Variants in KIAA0586 observed in about 807,000 individuals in gnomAD.
KIAA0586 encodes the protein protein TALPID3.
A neutral mutation model predicts 169.8 loss-of-function variants in KIAA0586; 144 were observed. That is an observed-to-expected ratio of 0.85 (90% confidence interval 0.74 to 0.97). The LOEUF (loss-of-function observed/expected upper bound fraction) is 0.97. KIAA0586 is among the 50% of genes least tolerant of loss of function. The pLI, the probability that KIAA0586 is intolerant of heterozygous loss-of-function variation, is 0.00. For missense variants in KIAA0586, 1,854 were observed against 1,823.0 expected, an observed-to-expected ratio of 1.02 and a Z score of -0.31; for synonymous variants, 625 against 612.4, an observed-to-expected ratio of 1.02 and a Z score of -0.30.
chr14:58,434,655 G>A (rs1273597398), intron 4 of KIAA0586, among the ~76,000 whole-genome samples: 1 of 152,166 alleles, frequency 6.6e-6, no homozygotes, highest in East Asian at 1.9e-4. Flanking sequence ...TATGTTAAAA[G>A]ATTAATACAC....
chr14:58,513,635 C>T (rs1229118836), intron 29 of KIAA0586, among the ~76,000 whole-genome samples: 3 of 151,382 alleles, frequency 2.0e-5, no homozygotes, highest in African/African-American at 7.3e-5. Flanking sequence ...TGGAAAATAC[C>T]TATAAAACTC....
chr14:58,529,002 A>G (rs1422296871), intron 29 of KIAA0586, among the ~76,000 whole-genome samples: 1 of 152,172 alleles, frequency 6.6e-6, no homozygotes, highest in African/African-American at 2.4e-5. Context: ...AATAGACATA[A>G]TAAAAAATGA....
intron 27 of KIAA0586, among the ~76,000 whole-genome samples, chr14:58,508,149 C>A (rs34964193): frequency 4.6e-5 from 7 of 152,156 alleles, no homozygotes; most frequent in Non-Finnish European, 8.8e-5. Flanking sequence ...CAGAATAGAG[C>A]TAGGCAATAC....
chr14:58,452,704 A>G (rs2039492495), intron 8 of KIAA0586, among the ~76,000 whole-genome samples: 1 of 151,950 alleles, frequency 6.6e-6, no homozygotes, highest in Non-Finnish European at 1.5e-5. Context: ...TTGTTTATGT[A>G]TTTTTTTGTA....
At chr14:58,452,700 A>G (rs1287829248) in intron 8 of KIAA0586, among the ~76,000 whole-genome samples, 1 of 151,970 alleles carries the variant, frequency 6.6e-6, no homozygotes, top group African/African-American at 2.4e-5. Flanking sequence ...TTACTTGTTT[A>G]TGTATTTTTT....
intron 26 of KIAA0586, 94 bp from the exon 27 acceptor site, chr14:58,498,689 G>A (rs2043337894): frequency 9.4e-7 from 1 of 1,065,086 alleles, no homozygotes. Context: ...CTTCCAAGGA[G>A]TCAAAGGGTA....
At chr14:58,450,877 A>G in intron 8 of KIAA0586, 131 bp downstream of exon 8, 4 of 579,234 alleles carry the variant, frequency 6.9e-6, no homozygotes, top group Non-Finnish European at 9.2e-6. Context: ...GGGAAAATCA[A>G]GCTTCTTTAG....
intron 3 of KIAA0586, 84 bp downstream of exon 3, chr14:58,430,801 G>T: frequency 1.4e-6 from 1 of 720,672 alleles, no homozygotes; most frequent in South Asian, 1.9e-5. Context: ...ACAGTTCTGT[G>T]ACAGTAAGTA....
Position 58,549,471 on chromosome 14 carries a change from A to T in KIAA0586, c.*1539A>T, listed in dbSNP as rs2047150348. 1 of 152,154 alleles carries T rather than the reference A, an allele frequency of 6.6e-6. No individual in the cohort carries two copies. Among genetic ancestry groups the T allele is most frequent in the African/African-American group, 2.4e-5 (1 of 41,424 alleles). The allele number at this position is 152,154 out of a possible 1,614,324, so 9.4% of individuals were successfully genotyped here. Reference sequence around the variant, plus strand: ...CTGGGGATTTTTTTTCTCACTGAACATAGAAGCTGCAAGAGTCTATGGAAA... The same window carrying T: ...CTGGGGATTTTTTTTCTCACTGAACTTAGAAGCTGCAAGAGTCTATGGAAA... On this transcript the variant is annotated 3_prime_UTR_variant, in exon 31 of 31. Coordinates refer to ENST00000652326, the MANE Select transcript of KIAA0586 (RefSeq NM_001329943.3).
At chr14:58,448,520 A>T in intron 7 of KIAA0586, 27 bp downstream of exon 7, 1 of 1,519,272 alleles carries the variant, frequency 6.6e-7, no homozygotes, top group South Asian at 1.2e-5. Context: ...CTCTATGAAT[A>T]AAAAATGTCA....
At chr14:58,482,425 C>T in intron 20 of KIAA0586, 88 bp from the exon 21 acceptor site, 3 of 1,058,784 alleles carry the variant, frequency 2.8e-6, no homozygotes, top group Non-Finnish European at 2.6e-6. Flanking sequence ...CACTACGTCT[C>T]GAGAAAAATA....
chr14:58,452,067 G>A (rs1303452639), intron 8 of KIAA0586, among the ~76,000 whole-genome samples: 1 of 152,148 alleles, frequency 6.6e-6, no homozygotes, highest in Non-Finnish European at 1.5e-5. Context: ...TCATAAATGG[G>A]AGCTAAGCTA....
intron 9 of KIAA0586, among the ~76,000 whole-genome samples, chr14:58,454,303 C>G (rs2039640042): frequency 6.6e-6 from 1 of 152,130 alleles, no homozygotes; most frequent in African/African-American, 2.4e-5. Context: ...AACTTTGCTC[C>G]AGTAAAGCCT....
intron 8 of KIAA0586, among the ~76,000 whole-genome samples, chr14:58,451,323 C>T (rs2039368604): frequency 6.6e-6 from 1 of 152,024 alleles, no homozygotes; most frequent in Non-Finnish European, 1.5e-5. Context: ...CCTCCTCAGG[C>T]TCAGTTGATC....
chr14:58,560,672 C>T, the KIAA0586 span, among the ~76,000 whole-genome samples: 1 of 152,160 alleles, frequency 6.6e-6, no homozygotes, highest in Admixed American at 6.5e-5. Flanking sequence ...GGAAACAAAC[C>T]TCACTTATCT....
chr14:58,444,001 T>G lies in KIAA0586; in HGVS notation c.633T>G (p.Leu211=), dbSNP rs2038638050. Reference sequence around the variant, plus strand: ...AAGTCAATTCTGTTACAGAATTACTTAGTAAATTACAGGAGACTGATAAAC... The same window carrying G: ...AAGTCAATTCTGTTACAGAATTACTGAGTAAATTACAGGAGACTGATAAAC... The part of the protein sequence containing the change: ...EAKVNSVTEL[L]SKLQETDKHL... Residue 211 remains leucine (L), a synonymous_variant, in exon 6 of 31, where the codon CTT becomes CTG. Transcript: ENST00000652326. The G allele has an allele frequency of 6.2e-7, 1 of 1,611,184 alleles. No individual in the cohort carries two copies. Among genetic ancestry groups the G allele is most frequent in the Non-Finnish European group, 8.5e-7 (1 of 1,178,418 alleles).
At position 58,428,308 on chromosome 14, in the gene KIAA0586, A is replaced by C. The variant is rs546316105; in HGVS notation, c.44A>C (p.Lys15Thr). The change falls in exon 1 of 31, where the codon AAG becomes ACG. Residue 15 changes from lysine (K) to threonine (T), a missense_variant. By Grantham distance (78) the Lys-to-Thr change is moderately conservative (BLOSUM62 -1). Coordinates refer to ENST00000652326, the MANE Select transcript of KIAA0586 (RefSeq NM_001329943.3). ...EVSLEKKKKI[K>T]MPVKRLREVV... The stretch of plus-strand genomic sequence containing the variant: ...AGCTTGGAGAAGAAAAAAAAGATTA[A>C]GATGCCAGTGAAGAGACTTCGTGAG... 6.2e-7 allele frequency: 1 copy of C among 1,613,930 alleles called. No homozygotes were observed. Among genetic ancestry groups the C allele is most frequent in the East Asian group, 2.2e-5 (1 of 44,880 alleles).
chr14:58,539,895 A>T, intron 29 of KIAA0586, 176 bp from the exon 30 acceptor site: 1 of 493,808 alleles, frequency 2.0e-6, no homozygotes, highest in East Asian at 3.2e-5. Flanking sequence ...ATTAAAATTC[A>T]GCTGTTTAAC....
In KIAA0586 at chr14:58,465,989, T is replaced by A; in HGVS notation, c.2214T>A (p.Gly738=). Residue 738 remains glycine, a synonymous_variant, in exon 15 of 31, where the codon GGT becomes GGA. Transcript: ENST00000652326. ...GTAGAGAAATGCCTACTTTTTCAGG[T>A]ACATTGGAAGGTCATCTGATTCCTA... ...SPSREMPTFS[G]TLEGHLIPMA... is the part of the protein sequence containing the mutation. 1 of 1,613,274 alleles carries A rather than the reference T, an allele frequency of 6.2e-7. No homozygotes were observed. The highest frequency in any genetic ancestry group is 8.5e-7 in the Non-Finnish European group (1 of 1,179,510).
Sources: gnomAD v4.1 joint callset for allele counts (sites outside exome capture counted in the v4.1 genomes callset) on GRCh38, gnomAD v4.1.1 for gene constraint, MANE v1.5 for transcripts, NCBI Gene and HGNC (gene_info 2026-07-23, HGNC 2026-07-21) for gene names.